The following CAPSL variants were observed in gnomAD, a reference collection of about 807,000 sequenced individuals.
CAPSL encodes calcyphosine like.
A neutral mutation model predicts 21.3 loss-of-function variants in CAPSL; 17 were observed. That is an observed-to-expected ratio of 0.80 (90% CI 0.55 to 1.20). CAPSL has a LOEUF of 1.20. Among genes scored for constraint, CAPSL ranks in the 50% most tolerant of loss-of-function variants. CAPSL has a pLI of 0.00. For missense variants in CAPSL, 289 were observed against 259.3 expected (o/e 1.11, Z -0.79); for synonymous variants, 102 against 89.3 (o/e 1.14, Z -0.80).
rs370102888 is a variant in CAPSL, at chr5:35,910,449, C to G, written c.232G>C (p.Glu78Gln). ...LNDYAVVMEK[E>Q]EVEELFRRFD... ...CTCCGGAAAAGTTCTTCCACCTCTT[C>G]TTTTTCCATGACCACAGCATAATCA... is the stretch of plus-strand genomic sequence containing the variant. The change falls in exon 3 of 5, where the codon GAA (glutamate) becomes CAA (glutamine). Residue 78 changes from glutamate (E) to glutamine (Q), a missense_variant. Physicochemically the swap from Glu to Gln is conservative, Grantham distance 29. Transcript: ENST00000651391. The G allele has an allele frequency of 1.9e-6, 3 of 1,613,532 alleles. No individual in the cohort carries two copies. In the African/African-American group the frequency reaches 4.0e-5, roughly 22 times the overall value.
intron 2 of CAPSL, among the ~76,000 whole-genome samples, chr5:35,911,831 A>G (rs1370215753): frequency 1.3e-5 from 2 of 152,156 alleles, no homozygotes; most frequent in Admixed American, 6.5e-5. Context: ...TGCATTTCCA[A>G]CTAAGGTACC....
At chr5:35,932,663 T>C (rs1738851502) in intron 1 of CAPSL, among the ~76,000 whole-genome samples, 1 of 151,990 alleles carries the variant, frequency 6.6e-6, no homozygotes, top group Non-Finnish European at 1.5e-5. Flanking sequence ...AGAAGAAATA[T>C]TGTTATTCCA....
At chr5:35,918,758 T>C (rs1270684923) in intron 2 of CAPSL, among the ~76,000 whole-genome samples, 2 of 152,130 alleles carry the variant, frequency 1.3e-5, no homozygotes, top group Non-Finnish European at 2.9e-5. Context: ...TAATGAGAAC[T>C]TTACCCATAA....
chr5:35,921,194 C>T (rs1738530789), intron 1 of CAPSL, 74 bp from the exon 2 acceptor site: 3 of 1,527,402 alleles, frequency 2.0e-6, no homozygotes, highest in Non-Finnish European at 2.6e-6. Context: ...GTGACAGAAG[C>T]CTCACTGAGA....
At chr5:35,922,341 A>C (rs546788249) in intron 1 of CAPSL, among the ~76,000 whole-genome samples, 17 of 152,292 alleles carry the variant, frequency 1.1e-4, no homozygotes, top group African/African-American at 3.8e-4. Flanking sequence ...TAGACAATTC[A>C]GGGATGCATA....
At chr5:35,916,745 C>T (rs535510409) in intron 2 of CAPSL, among the ~76,000 whole-genome samples, 2 of 152,220 alleles carry the variant, frequency 1.3e-5, no homozygotes, top group Admixed American at 6.5e-5. Context: ...CATGTTAGAC[C>T]TAAAACCATA....
rs1760623933 is a variant in CAPSL at position 35,904,443 on chromosome 5, T to C, written c.*102A>G. The C allele has an allele frequency of 2.3e-6, 2 of 859,964 alleles. No individual in the cohort carries two copies. The highest frequency in any genetic ancestry group is 3.7e-6 in the Non-Finnish European group (2 of 542,368). The allele number at this position is 859,964 out of a possible 1,614,324, so 53.3% of individuals were successfully genotyped here. On this transcript the variant is annotated 3_prime_UTR_variant, in exon 5 of 5. Coordinates refer to ENST00000651391, the MANE Select transcript of CAPSL (RefSeq NM_001042625.2). ...CAATATTTTGACACAGAAAAAAACA[T>C]TAGGATGAGTGTGAAATCAAATACG...
chr5:35,915,205 G>A (rs1349720354), intron 2 of CAPSL, among the ~76,000 whole-genome samples: 1 of 152,190 alleles, frequency 6.6e-6, no homozygotes, highest in Non-Finnish European at 1.5e-5. Context: ...CCCTGAAATT[G>A]AGGCAATAAT....
At position 35,920,983 on chromosome 5, in the gene CAPSL, C is replaced by T. The variant is rs371171403; in HGVS notation, c.137+1G>A. ...CCCTGCCACTTGTAGCTGGGTCCTA[C>T]CTGCCAAGTCCTTTGATCCCAGCAG... On this transcript the variant is annotated splice_donor_variant, in intron 2 of 4. Transcript: ENST00000651391. LOFTEE classifies it high-confidence loss of function. 2.9e-5 allele frequency: 47 copies of T among 1,613,534 alleles called. No homozygotes were observed. In the African/African-American group the frequency reaches 5.6e-4, roughly 19 times the overall value.
intron 1 of CAPSL, among the ~76,000 whole-genome samples, chr5:35,935,789 T>G (rs1738930865): frequency 6.6e-6 from 1 of 152,170 alleles, no homozygotes. Flanking sequence ...ACTTCCTTTC[T>G]TATCCATTTT....
At chr5:35,931,313 T>C (rs1391862413) in intron 1 of CAPSL, among the ~76,000 whole-genome samples, 2 of 152,102 alleles carry the variant, frequency 1.3e-5, no homozygotes, top group African/African-American at 4.8e-5. Flanking sequence ...CACTCTATTA[T>C]AACCTCTTCT....
chr5:35,915,099 A>T (rs532638406), intron 2 of CAPSL, among the ~76,000 whole-genome samples: 1 of 152,366 alleles, frequency 6.6e-6, no homozygotes, highest in Non-Finnish European at 1.5e-5. Context: ...CAAATAAACT[A>T]GAAAATCTAG....
chr5:35,930,508 A>T (rs1379335499), intron 1 of CAPSL, among the ~76,000 whole-genome samples: 1 of 152,218 alleles, frequency 6.6e-6, no homozygotes, highest in African/African-American at 2.4e-5. Flanking sequence ...AAAGAGGCAC[A>T]CAGTCTCAGA....
At chr5:35,937,961 C>T (rs1489568313) in intron 1 of CAPSL, among the ~76,000 whole-genome samples, 1 of 151,998 alleles carries the variant, frequency 6.6e-6, no homozygotes, top group Admixed American at 6.6e-5. Flanking sequence ...GTAAAGGACC[C>T]CCTCAAGTCT....
chr5:35,933,696 A>G (rs2149934530), intron 1 of CAPSL, among the ~76,000 whole-genome samples: 1 of 152,330 alleles, frequency 6.6e-6, no homozygotes, highest in Non-Finnish European at 1.5e-5. Flanking sequence ...GTAACTGCAG[A>G]GGGGACACAC....
At chr5:35,908,387 C>A (rs1038592797) in intron 4 of CAPSL, among the ~76,000 whole-genome samples, 9 of 152,288 alleles carry the variant, frequency 5.9e-5, no homozygotes, top group South Asian at 2.1e-4. Context: ...CCTCAATAAC[C>A]TTTATGAGCT....
intron 4 of CAPSL, among the ~76,000 whole-genome samples, chr5:35,906,668 TAA>T (rs148148479): frequency 0.012 from 1,894 of 152,316 alleles, 20 homozygotes; most frequent in Non-Finnish European, 0.019. Context: ...CAGTGTATAA[TAA>T]GATTTCCTAT....
At chr5:35,929,279 CTTTTTTTT>C (rs10574026) in intron 1 of CAPSL, among the ~76,000 whole-genome samples, 2 of 117,676 alleles carry the variant, frequency 1.7e-5, no homozygotes, top group African/African-American at 3.2e-5. Context: ...AAAACAGTTC[CTTTTTTTT>C]TTTTTTTTTT....
At chr5:35,916,158 G>A (rs1738379059) in intron 2 of CAPSL, among the ~76,000 whole-genome samples, 1 of 151,868 alleles carries the variant, frequency 6.6e-6, no homozygotes, top group Non-Finnish European at 1.5e-5. Flanking sequence ...ACTTACAAGG[G>A]ATGTGAAGGA....
Sources: gnomAD v4.1 joint callset for allele counts (sites outside exome capture counted in the v4.1 genomes callset) on GRCh38, gnomAD v4.1.1 for gene constraint, MANE v1.5 for transcripts, NCBI Gene and HGNC (gene_info 2026-07-23, HGNC 2026-07-21) for gene names.